Variants in JARID2 observed in about 807,000 individuals in gnomAD.
JARID2 encodes protein Jumonji.
A neutral mutation model predicts 125.6 loss-of-function variants in JARID2; 21 were observed. The observed-to-expected ratio is 0.17, with a 90% CI of 0.12 to 0.24. The LOEUF is 0.24. JARID2 is among the 10% of genes least tolerant of loss of function. The pLI, the probability that JARID2 is intolerant of heterozygous loss-of-function variation, is 1.00. For synonymous variants in JARID2, 736 were observed against 661.6 expected, an observed-to-expected ratio of 1.11 and a Z score of -1.73; for missense variants, 1,303 against 1,639.6, an observed-to-expected ratio of 0.79 and a Z score of 3.55.
At chr6:15,482,809 C>T (rs984922597) in intron 5 of JARID2, among the ~76,000 whole-genome samples, 1 of 152,210 alleles carries the variant, frequency 6.6e-6, no homozygotes, top group Admixed American at 6.5e-5. Flanking sequence ...CATACTGTTA[C>T]ATTAATATCC....
intron 3 of JARID2, among the ~76,000 whole-genome samples, chr6:15,437,376 C>T (rs1373140872): frequency 6.6e-6 from 1 of 152,162 alleles, no homozygotes; most frequent in Non-Finnish European, 1.5e-5. Context: ...TTATGTCCAG[C>T]TGAATCACAC....
intron 1 of JARID2, among the ~76,000 whole-genome samples, chr6:15,309,405 G>A (rs2127424301): frequency 6.6e-6 from 1 of 152,082 alleles, no homozygotes; most frequent in Non-Finnish European, 1.5e-5. Context: ...CCTGCTTCTA[G>A]GAATTTGGCC....
chr6:15,324,111 A>G (rs1762452509), intron 1 of JARID2, among the ~76,000 whole-genome samples: 1 of 151,078 alleles, frequency 6.6e-6, no homozygotes, highest in South Asian at 2.1e-4. Flanking sequence ...CCGGGGAGGC[A>G]GAGCTTGCAG....
At chr6:15,364,177 TA>T (rs1763894500) in intron 1 of JARID2, among the ~76,000 whole-genome samples, 2 of 152,148 alleles carry the variant, frequency 1.3e-5, no homozygotes, top group African/African-American at 4.8e-5. Flanking sequence ...ATTGATCTCA[TA>T]AAATGATCCC....
chr6:15,289,592 C>T (rs568706202), intron 1 of JARID2, among the ~76,000 whole-genome samples: 1 of 151,772 alleles, frequency 6.6e-6, no homozygotes, highest in South Asian at 2.1e-4. Context: ...CGCAGTGAGT[C>T]ACATCTGTAA....
intron 2 of JARID2, among the ~76,000 whole-genome samples, chr6:15,403,090 G>A (rs1236153130): frequency 1.3e-5 from 2 of 152,096 alleles, no homozygotes; most frequent in East Asian, 3.9e-4. Context: ...GGAAGAGAGT[G>A]GGGAGGATGA....
At chr6:15,486,440 G>C (rs1190974994) in intron 5 of JARID2, among the ~76,000 whole-genome samples, 1 of 152,232 alleles carries the variant, frequency 6.6e-6, no homozygotes, top group Admixed American at 6.5e-5. Context: ...GGTGGATGGG[G>C]TGGGCTTGGG....
intron 3 of JARID2, among the ~76,000 whole-genome samples, chr6:15,420,411 AAAG>A (rs1766432458): frequency 1.3e-5 from 2 of 151,944 alleles, no homozygotes; most frequent in South Asian, 2.1e-4. Context: ...AAAAAAAAAA[AAAG>A]AAGTTAGATT....
intron 2 of JARID2, among the ~76,000 whole-genome samples, chr6:15,391,404 C>T (rs1390113239): frequency 6.6e-6 from 1 of 152,116 alleles, no homozygotes; most frequent in African/African-American, 2.4e-5. Flanking sequence ...TCAGAGCCAG[C>T]ATGTGGCATG....
At chr6:15,426,019 A>C (rs1452541492) in intron 3 of JARID2, among the ~76,000 whole-genome samples, 1 of 152,268 alleles carries the variant, frequency 6.6e-6, no homozygotes, top group South Asian at 2.1e-4. Flanking sequence ...TTCTCAGCCA[A>C]TCTAATGCAG....
chr6:15,291,382 A>G (rs1761208122), intron 1 of JARID2, among the ~76,000 whole-genome samples: 1 of 152,178 alleles, frequency 6.6e-6, no homozygotes, highest in South Asian at 2.1e-4. Flanking sequence ...CTCACTTTTC[A>G]CACATGGTAT....
chr6:15,395,596 C>T (rs1765191435), intron 2 of JARID2, among the ~76,000 whole-genome samples: 1 of 151,886 alleles, frequency 6.6e-6, no homozygotes, highest in Non-Finnish European at 1.5e-5. Context: ...GATGGGATTT[C>T]TTCGTGTTGG....
At chr6:15,306,082 A>G (rs998380217) in intron 1 of JARID2, among the ~76,000 whole-genome samples, 2 of 152,160 alleles carry the variant, frequency 1.3e-5, no homozygotes, top group Non-Finnish European at 1.5e-5. Context: ...TCTACCAGCA[A>G]TCCTCGAGGC....
chr6:15,388,925 C>T (rs1764895560), intron 2 of JARID2, among the ~76,000 whole-genome samples: 1 of 152,060 alleles, frequency 6.6e-6, no homozygotes, highest in African/African-American at 2.4e-5. Flanking sequence ...TCTGGGTAAT[C>T]CTTAACTGAG....
intron 2 of JARID2, among the ~76,000 whole-genome samples, chr6:15,408,659 A>G (rs1415868621): frequency 1.3e-5 from 2 of 152,246 alleles, no homozygotes; most frequent in Non-Finnish European, 2.9e-5. Context: ...CAATTAATAC[A>G]ACATTGTCAA....
At chr6:15,441,052 A>C (rs573619677) in intron 3 of JARID2, among the ~76,000 whole-genome samples, 61 of 152,264 alleles carry the variant, frequency 4.0e-4, no homozygotes, top group African/African-American at 1.3e-3. Flanking sequence ...GGGTTTTCTG[A>C]TACTTATCAA....
At chr6:15,408,899 C>T (rs1252474075) in intron 2 of JARID2, among the ~76,000 whole-genome samples, 1 of 152,132 alleles carries the variant, frequency 6.6e-6, no homozygotes, top group African/African-American at 2.4e-5. Flanking sequence ...CCAGCATTTT[C>T]TTTGGGGGTT....
rs147238761 is a variant in JARID2 at position 15,517,175 on chromosome 6, C to A, written c.3465C>A (p.Asn1155Lys). The change falls in exon 17 of 18, where the codon AAC becomes AAA. Residue 1155 changes from asparagine (N) to lysine (K), a missense_variant. This residue lies in a region of JARID2 where 190 missense variants were observed against 341.4 expected (regional missense o/e 0.56). Transcript: ENST00000341776. ...CTTGCTTGCAGGTGGTACAAGAGAACGAAAACGTCGTGTTCTGTCTGGAGT... is the reference window on the plus strand; with the variant it reads ...CTTGCTTGCAGGTGGTACAAGAGAAAGAAAACGTCGTGTTCTGTCTGGAGT... ...LCYLSMVVQE[N>K]ENVVFCLECA... 1.2e-6 allele frequency: 2 copies of A among 1,613,634 alleles called. No individual in the cohort carries two copies. The highest frequency in any genetic ancestry group is 1.7e-6 in the Non-Finnish European group (2 of 1,179,708).
chr6:15,517,105 C>T lies in JARID2; in HGVS notation c.3451-56C>T, dbSNP rs1220241890. 2.2e-6 allele frequency: 3 copies of T among 1,362,536 alleles called. No individual in the cohort carries two copies. The African/African-American group carries it at 4.3e-5, about 19-fold the overall frequency. The allele number at this position is 1,362,536 out of a possible 1,614,324, so 84.4% of individuals were successfully genotyped here. A position where few individuals can be genotyped will look rare whatever the true frequency, so the allele number is the denominator to read the frequency against. On this transcript the variant is annotated intron_variant, in intron 16 of 17. Transcript: ENST00000341776. ...GCCGGGCGTGCTCCTACCTTACCCT[C>T]CCAGGGCGCTGTGGAGCTGCCTCCT...
Sources: allele counts gnomAD v4.1 joint callset (sites outside exome capture counted in the v4.1 genomes callset), GRCh38; gene constraint gnomAD v4.1.1; regional missense constraint gnomAD v4.1.1; transcripts MANE v1.5; gene names NCBI Gene and HGNC (gene_info 2026-07-23, HGNC 2026-07-21).